The following ZNF738 variants were observed in gnomAD, a reference collection of about 807,000 sequenced individuals.
The protein encoded by ZNF738 is zinc finger protein 738.
Under a neutral mutation model 9.2 loss-of-function variants are expected in ZNF738, and 10 were observed. That is an observed-to-expected ratio of 1.09 (90% CI 0.67 to 1.85). The LOEUF (loss-of-function observed/expected upper bound fraction) is 1.85. Among genes scored for constraint, ZNF738 ranks in the 40% most tolerant of loss-of-function variants. The pLI is 0.00. For synonymous variants in ZNF738, 113 were observed against 94.5 expected (o/e 1.20, Z -1.14); for missense variants, 346 against 283.6 (o/e 1.22, Z -1.58).
intron 3 of ZNF738, among the ~76,000 whole-genome samples, 152 bp downstream of exon 3, chr19:21,375,516 A>G (rs1973916364): frequency 6.6e-6 from 1 of 152,154 alleles, no homozygotes; most frequent in East Asian, 1.9e-4. Context: ...ATGCAGAAAA[A>G]AATTTCCTCA....
intron 4 of ZNF738, chr19:21,378,791 G>C: frequency 4.5e-6 from 1 of 221,698 alleles, no homozygotes. Context: ...TAGAGACAGG[G>C]TTTCTCCATG....
Position 21,385,829 on chromosome 19 carries a change from T to C in ZNF738, c.*2155T>C, listed in dbSNP as rs1974060321. ...TCATACTTTACTAAAAATAAGGTGA[T>C]TCATTCTGGAGAGAAATTCTACAAA... On this transcript the variant is annotated 3_prime_UTR_variant, in exon 5 of 5. Transcript: ENST00000683779. 6.6e-6 allele frequency among the ~76,000 whole-genome samples: 1 copy of C among 152,186 alleles called. No homozygotes were observed. Among genetic ancestry groups the C allele is most frequent in the Admixed American group, 6.5e-5 (1 of 15,282 alleles).
chr19:21,386,029 T>C lies in ZNF738; in HGVS notation c.*2355T>C, dbSNP rs542588707. ...AGAAACCCTACAAATATGAAGAATA[T>C]CTCAAAACTTTTTATAGATTCTCAT... On this transcript the variant is annotated 3_prime_UTR_variant, in exon 5 of 5. Transcript: ENST00000683779. 6.6e-6 allele frequency among the ~76,000 whole-genome samples: 1 copy of C among 151,878 alleles called. No individual in the cohort carries two copies. The highest frequency in any genetic ancestry group is 2.4e-5 in the African/African-American group (1 of 41,334).
rs1974077918 is a variant in ZNF738, at chr19:21,387,236, T to C, written c.*3562T>C. On this transcript the variant is annotated 3_prime_UTR_variant, in exon 5 of 5. Coordinates refer to ENST00000683779, the MANE Select transcript of ZNF738 (RefSeq NM_001355237.2). The stretch of plus-strand genomic sequence containing the variant: ...GAAGTCTCACTCTTGTCCCCCAGGC[T>C]GGTGTGCAATGGCATGATGTCGGCT... 6.6e-6 allele frequency: 1 copy of C among 152,168 alleles called. No homozygotes were observed. The highest frequency in any genetic ancestry group is 6.6e-5 in the Admixed American group (1 of 15,260). 9.4% of individuals were successfully genotyped at this position (152,168 alleles called of 1,614,324 possible).
rs1488010372 is a variant in ZNF738, at chr19:21,387,212, A to C, written c.*3538A>C. On this transcript the variant is annotated 3_prime_UTR_variant, in exon 5 of 5. Coordinates refer to ENST00000683779, the MANE Select transcript of ZNF738 (RefSeq NM_001355237.2). Reference sequence around the variant, plus strand: ...TTGACTTTTTTCTTTTTTTGAGATGAAGTCTCACTCTTGTCCCCCAGGCTG... The same window carrying C: ...TTGACTTTTTTCTTTTTTTGAGATGCAGTCTCACTCTTGTCCCCCAGGCTG... The C allele has an allele frequency of 1.3e-5, 2 of 152,118 alleles. No homozygotes were observed. The highest frequency in any genetic ancestry group is 2.9e-5 in the Non-Finnish European group (2 of 68,018). 9.4% of individuals were successfully genotyped at this position (152,118 alleles called of 1,614,324 possible). A position where few individuals can be genotyped will look rare whatever the true frequency, so the allele number is the denominator to read the frequency against.
intron 2 of ZNF738, among the ~76,000 whole-genome samples, chr19:21,374,048 A>G (rs542046757): frequency 2.0e-5 from 3 of 152,208 alleles, no homozygotes; most frequent in African/African-American, 7.2e-5. Context: ...TTTGATCTGC[A>G]CTATTAAAAG....
intron 2 of ZNF738, among the ~76,000 whole-genome samples, chr19:21,373,902 G>A (rs1239492305): frequency 1.3e-5 from 2 of 151,226 alleles, no homozygotes; most frequent in Non-Finnish European, 2.9e-5. Flanking sequence ...TTCCCCTAAT[G>A]AGTTTAACTA....
chr19:21,382,449 G>A (rs1599720624), intron 4 of ZNF738, among the ~76,000 whole-genome samples: 1 of 152,052 alleles, frequency 6.6e-6, no homozygotes, highest in East Asian at 1.9e-4. Context: ...GTGTTGGCCA[G>A]GATGGTCTCA....
chr19:21,376,779 C>G (rs1255787923), intron 4 of ZNF738, among the ~76,000 whole-genome samples: 1 of 152,028 alleles, frequency 6.6e-6, no homozygotes, highest in Non-Finnish European at 1.5e-5. Flanking sequence ...TTGCCTTGGC[C>G]TCCCAAAGTG....
At chr19:21,373,710 A>G (rs1973886411) in intron 2 of ZNF738, among the ~76,000 whole-genome samples, 2 of 151,778 alleles carry the variant, frequency 1.3e-5, no homozygotes, top group African/African-American at 4.8e-5. Context: ...TTCAAGACAC[A>G]GGTGTAACTT....
At chr19:21,362,097 GATAATAATAATA>G (rs55672173) in intron 2 of ZNF738, among the ~76,000 whole-genome samples, 87,017 of 148,018 alleles carry the variant, frequency 0.59, 25,887 homozygotes, top group Middle Eastern at 0.72. Context: ...TAATAATAAT[GATAATAATAATA>G]ATAATAATAA....
chr19:21,362,378 G>A (rs1230167990), intron 2 of ZNF738, among the ~76,000 whole-genome samples: 3 of 152,154 alleles, frequency 2.0e-5, no homozygotes, highest in East Asian at 3.8e-4. Flanking sequence ...ACTGACTCCA[G>A]TGAGATGGTG....
Position 21,383,533 on chromosome 19 carries a change from A to G in ZNF738, c.987A>G (p.Ser329=). The change falls in exon 5 of 5, where the codon TCA becomes TCG. Residue 329 remains serine (S), a synonymous_variant. Coordinates refer to ENST00000683779, the MANE Select transcript of ZNF738 (RefSeq NM_001355237.2). ...EGCGKAFCQF[S]YLTKHKIIHT... Reference sequence around the variant, plus strand: ...GTGGCAAAGCTTTCTGCCAATTCTCATACCTTACTAAACATAAGATAATTC... The same window carrying G: ...GTGGCAAAGCTTTCTGCCAATTCTCGTACCTTACTAAACATAAGATAATTC... 2 of 957,170 alleles carry G rather than the reference A, an allele frequency of 2.1e-6. No individual in the cohort carries two copies. Among genetic ancestry groups the G allele is most frequent in the Non-Finnish European group, 1.7e-6 (1 of 602,068 alleles). The allele number at this position is 957,170 out of a possible 1,614,324, so 59.3% of individuals were successfully genotyped here. A position where few individuals can be genotyped will look rare whatever the true frequency, so the allele number is the denominator to read the frequency against.
At chr19:21,364,127 A>G (rs1298783886) in intron 2 of ZNF738, among the ~76,000 whole-genome samples, 13 of 136,608 alleles carry the variant, frequency 9.5e-5, no homozygotes, top group East Asian at 2.3e-4. Context: ...AACCCGGGAG[A>G]TGGAGGTTGC....
chr19:21,370,846 G>T (rs1437993440), intron 2 of ZNF738, among the ~76,000 whole-genome samples: 1 of 152,162 alleles, frequency 6.6e-6, no homozygotes, highest in Non-Finnish European at 1.5e-5. Context: ...TCTGGCCTCT[G>T]CCTGGGATTT....
intron 2 of ZNF738, among the ~76,000 whole-genome samples, chr19:21,364,269 A>T (rs4438422): frequency 0.57 from 84,741 of 149,936 alleles, 24,342 homozygotes; most frequent in Middle Eastern, 0.68. Context: ...TAAGGAATGC[A>T]ATTTTAGGTA....
At chr19:21,378,767 G>A (rs1043159772) in intron 4 of ZNF738, 4 of 270,754 alleles carry the variant, frequency 1.5e-5, no homozygotes, top group Non-Finnish European at 3.2e-5. Flanking sequence ...ACCCAGCTAA[G>A]TTTGTATTTT....
intron 1 of ZNF738, among the ~76,000 whole-genome samples, chr19:21,359,473 G>A (rs1973653549): frequency 6.6e-6 from 1 of 152,192 alleles, no homozygotes; most frequent in Non-Finnish European, 1.5e-5. Flanking sequence ...CCTGACTTGG[G>A]GTGCGGGTTC....
chr19:21,374,997 T>C (rs952692942), intron 2 of ZNF738, among the ~76,000 whole-genome samples: 1 of 152,196 alleles, frequency 6.6e-6, no homozygotes, highest in Non-Finnish European at 1.5e-5. Context: ...CTTTCGTTTT[T>C]ATACTTTATT....
Sources: allele counts gnomAD v4.1 joint callset (sites outside exome capture counted in the v4.1 genomes callset), GRCh38; gene constraint gnomAD v4.1.1; transcripts MANE v1.5; gene names NCBI Gene and HGNC (gene_info 2026-07-23, HGNC 2026-07-21).